Variants in PLXNA4 observed in about 807,000 individuals in gnomAD.
PLXNA4 encodes the protein plexin-A4.
In PLXNA4, 44 loss-of-function variants were observed where a neutral mutation model predicts 191.8. The ratio of observed to expected loss-of-function variants is 0.23; its 90% CI spans 0.18 to 0.29. The LOEUF is 0.29. Among genes scored for constraint, PLXNA4 ranks in the 10% least tolerant of loss-of-function variants. The pLI, the probability that PLXNA4 is intolerant of heterozygous loss-of-function variation, is 1.00. For synonymous variants in PLXNA4, 1,082 were observed against 1,009.5 expected (o/e 1.07, Z -1.36); for missense variants, 1,800 against 2,488.8 (o/e 0.72, Z 5.89).
intron 3 of PLXNA4, among the ~76,000 whole-genome samples, chr7:132,360,010 C>T (rs1803871587): frequency 6.6e-6 from 1 of 152,152 alleles, no homozygotes; most frequent in Non-Finnish European, 1.5e-5. Flanking sequence ...TTCTCAATTG[C>T]TATTGAGTTC....
chr7:132,378,394 T>G (rs10954373), intron 3 of PLXNA4, among the ~76,000 whole-genome samples: 47,947 of 151,980 alleles, frequency 0.32, 8,513 homozygotes, highest in African/African-American at 0.43. Flanking sequence ...GGGTGATTAT[T>G]TCTTGAGTCA....
chr7:132,273,640 T>C (rs2116343616), intron 4 of PLXNA4, among the ~76,000 whole-genome samples: 1 of 152,278 alleles, frequency 6.6e-6, no homozygotes, highest in Admixed American at 6.5e-5. Flanking sequence ...TAGTGTTGAC[T>C]GAGAACCTAG....
At chr7:132,208,994 AT>A (rs1450982317) in intron 10 of PLXNA4, among the ~76,000 whole-genome samples, 4 of 152,190 alleles carry the variant, frequency 2.6e-5, no homozygotes, top group African/African-American at 9.6e-5. Flanking sequence ...TGCTGAGGAC[AT>A]TTCAACACAA....
At chr7:132,334,360 T>A (rs1034754376) in intron 3 of PLXNA4, among the ~76,000 whole-genome samples, 1 of 148,138 alleles carries the variant, frequency 6.8e-6, no homozygotes, top group Non-Finnish European at 1.5e-5. Context: ...CAGGCTCAGA[T>A]GATCCTCCTG....
intron 2 of PLXNA4, among the ~76,000 whole-genome samples, chr7:132,624,828 G>T (rs1420779361): frequency 1.3e-5 from 2 of 152,124 alleles, no homozygotes; most frequent in South Asian, 2.1e-4. Context: ...AATCTCAAAA[G>T]CTCACCTACC....
intron 3 of PLXNA4, chr7:132,385,231 G>A (rs916366825): frequency 3.7e-6 from 6 of 1,613,980 alleles, no homozygotes; most frequent in Non-Finnish European, 8.5e-7. Context: ...CAGAGTCACT[G>A]TTGCTCTGTG....
At chr7:132,383,436 A>G (rs979368222) in intron 3 of PLXNA4, 1 of 446,384 alleles carries the variant, frequency 2.2e-6, no homozygotes, top group African/African-American at 2.1e-5. Context: ...AAATAAATAG[A>G]AAACAATAAA....
intron 10 of PLXNA4, among the ~76,000 whole-genome samples, chr7:132,204,067 A>T (rs1797532490): frequency 6.6e-6 from 1 of 152,140 alleles, no homozygotes; most frequent in Admixed American, 6.5e-5. Context: ...ACCTTGGAGG[A>T]CAAATCTGGA....
chr7:132,296,096 G>C (rs1051522817), intron 4 of PLXNA4, among the ~76,000 whole-genome samples: 1 of 151,994 alleles, frequency 6.6e-6, no homozygotes, highest in South Asian at 2.1e-4. Flanking sequence ...GACCAGTGTC[G>C]GCCCAGGTGT....
chr7:132,483,356 T>C (rs1235062477), intron 3 of PLXNA4, among the ~76,000 whole-genome samples: 1 of 152,162 alleles, frequency 6.6e-6, no homozygotes, highest in Non-Finnish European at 1.5e-5. Context: ...CCACTTATGG[T>C]TGGGGGCTCA....
chr7:132,593,249 C>T (rs1802635856), intron 2 of PLXNA4, among the ~76,000 whole-genome samples: 1 of 152,204 alleles, frequency 6.6e-6, no homozygotes, highest in Admixed American at 6.5e-5. Context: ...CCCTGCCTAC[C>T]CCAGCTCCAA....
At chr7:132,236,999 C>T (rs1798723230) in intron 5 of PLXNA4, among the ~76,000 whole-genome samples, 1 of 152,134 alleles carries the variant, frequency 6.6e-6, no homozygotes. Context: ...ACCTGAGGAA[C>T]TAGGGAAGAA....
In PLXNA4 at chr7:132,304,446, A is replaced by G. The variant is rs556734096; in HGVS notation, c.1372-6224T>C. On this transcript the variant is annotated intron_variant, in intron 3 of 31. Coordinates refer to ENST00000321063, the MANE Select transcript of PLXNA4 (RefSeq NM_020911.2). ...AACAAGTAAAATTAATTTTCATAAT[A>G]TGTTTAATCTGACCCAATATACCCC... 3.2e-4 allele frequency among the ~76,000 whole-genome samples: 49 copies of G among 152,214 alleles called. 1 individual carries two copies. The highest frequency in any genetic ancestry group is 6.8e-4 in the Non-Finnish European group (46 of 68,038).
chr7:132,203,523 A>G (rs1797513457), intron 10 of PLXNA4, 104 bp from the exon 11 acceptor site: 1 of 899,686 alleles, frequency 1.1e-6, no homozygotes, highest in Non-Finnish European at 1.8e-6. Context: ...CACAGGCTAA[A>G]GACTGGCCAA....
intron 3 of PLXNA4, among the ~76,000 whole-genome samples, chr7:132,480,851 C>T (rs1245054247): frequency 2.0e-5 from 3 of 152,162 alleles, no homozygotes; most frequent in Admixed American, 6.5e-5. Flanking sequence ...GCCATGGAGG[C>T]AGGAGTCCCG....
chr7:132,623,810 A>G (rs1168794374), intron 2 of PLXNA4, among the ~76,000 whole-genome samples: 1 of 152,204 alleles, frequency 6.6e-6, no homozygotes, highest in Non-Finnish European at 1.5e-5. Flanking sequence ...CACCTCACCC[A>G]AAGGTGGCAG....
chr7:132,289,253 T>C (rs754079898), intron 4 of PLXNA4, among the ~76,000 whole-genome samples: 1 of 152,246 alleles, frequency 6.6e-6, no homozygotes, highest in African/African-American at 2.4e-5. Context: ...TCCTCTTGTA[T>C]GCCCATCTGA....
rs56027205 is a variant in PLXNA4, at chr7:132,178,845, TACAC to T, written c.3874+838_3874+841del. 4.1e-3 allele frequency among the ~76,000 whole-genome samples: 346 copies of T among 83,518 alleles called. 21 individuals carry two copies. The highest frequency in any genetic ancestry group is 0.021 in the South Asian group (50 of 2,392). 54.8% of individuals were successfully genotyped at this position (83,518 alleles called of 152,430 possible). On this transcript the variant is annotated intron_variant, in intron 20 of 31. Coordinates refer to ENST00000321063, the MANE Select transcript of PLXNA4 (RefSeq NM_020911.2). ...TGAAACACATACACATACACATATA[TACAC>T]ACACACACACACACACACACACACA...
intron 3 of PLXNA4, among the ~76,000 whole-genome samples, chr7:132,426,963 G>A (rs1246081190): frequency 6.6e-6 from 1 of 152,158 alleles, no homozygotes; most frequent in East Asian, 1.9e-4. Flanking sequence ...GGCCAGAGCT[G>A]GATCCACTCA....
Sources: gnomAD v4.1 joint callset for allele counts (sites outside exome capture counted in the v4.1 genomes callset) on GRCh38, gnomAD v4.1.1 for gene constraint, MANE v1.5 for transcripts, NCBI Gene and HGNC (gene_info 2026-07-23, HGNC 2026-07-21) for gene names.